Variants in ZNF776 observed in about 807,000 individuals in gnomAD.
ZNF776 encodes zinc finger protein 776.
A neutral mutation model predicts 7.0 loss-of-function variants in ZNF776; 4 were observed. The ratio of observed to expected loss-of-function variants is 0.57; its 90% confidence interval spans 0.28 to 1.31. ZNF776 has a LOEUF of 1.31. Ranked by LOEUF, ZNF776 falls within the 50% of genes most tolerant of loss-of-function variation. ZNF776 has a pLI of 0.10. For synonymous variants in ZNF776, 212 were observed against 213.7 expected, an observed-to-expected ratio of 0.99 and a Z score of 0.07; for missense variants, 555 against 625.9, an observed-to-expected ratio of 0.89 and a Z score of 1.21.
At chr19:57,752,845 A>G (rs757466225) in intron 2 of ZNF776, among the ~76,000 whole-genome samples, 1 of 152,226 alleles carries the variant, frequency 6.6e-6, no homozygotes, top group Non-Finnish European at 1.5e-5. Flanking sequence ...TTGCTAAGCC[A>G]TACCTGACCA....
rs762934577 is a variant in ZNF776, at chr19:57,754,233, G to A, written c.1103G>A (p.Arg368Gln). 3.1e-6 allele frequency: 5 copies of A among 1,614,002 alleles called. No homozygotes were observed. Among genetic ancestry groups the A allele is most frequent in the Admixed American group, 1.7e-5 (1 of 59,972 alleles). ...NHKCNLIQHQ[R>Q]VHTGERPFEC... Reference sequence around the variant, plus strand: ...AAGTGCAACCTCATTCAGCATCAGCGAGTTCACACTGGAGAAAGACCTTTT... The same window carrying A: ...AAGTGCAACCTCATTCAGCATCAGCAAGTTCACACTGGAGAAAGACCTTTT... Residue 368 changes from arginine (R) to glutamine (Q), a missense_variant, in exon 3 of 3, where the codon CGA (arginine) becomes CAA (glutamine). Coordinates refer to ENST00000317178, the MANE Select transcript of ZNF776 (RefSeq NM_173632.4).
Position 57,754,740 on chromosome 19 carries a change from A to G in ZNF776, c.*53A>G. 1 of 1,555,796 alleles carries G rather than the reference A, an allele frequency of 6.4e-7. No homozygotes were observed. ...AGCACCCTCATTCAACATTCGTGAG[A>G]TCACACTGGAAAGCACTTATGAGTA... is the stretch of plus-strand genomic sequence containing the variant. On this transcript the variant is annotated 3_prime_UTR_variant, in exon 3 of 3. Coordinates refer to ENST00000317178, the MANE Select transcript of ZNF776 (RefSeq NM_173632.4).
intron 1 of ZNF776, among the ~76,000 whole-genome samples, chr19:57,750,115 T>A (rs1019329146): frequency 6.6e-6 from 1 of 151,964 alleles, no homozygotes; most frequent in African/African-American, 2.4e-5. Flanking sequence ...CATGTGTCTG[T>A]GCAGTCTAAA....
Position 57,755,135 on chromosome 19 carries a change from G to A in ZNF776, c.*448G>A, listed in dbSNP as rs35919456. The A allele has an allele frequency of 0.16, 29,596 of 184,904 alleles. 2,604 individuals carry two copies. Among genetic ancestry groups the A allele is most frequent in the East Asian group, 0.21 (1,477 of 7,138 alleles). 11.5% of individuals were successfully genotyped at this position (184,904 alleles called of 1,614,324 possible). On this transcript the variant is annotated 3_prime_UTR_variant, in exon 3 of 3. Transcript: ENST00000317178. ...ATAATAAATGTGAGAAATCATTTCC[G>A]TACAGCTCTGCGCTCCATGTTCGTA...
At position 57,753,372 on chromosome 19, in the gene ZNF776, G is replaced by A; in HGVS notation, c.242G>A (p.Trp81Ter). The A allele has an allele frequency of 6.2e-7, 1 of 1,614,204 alleles. No homozygotes were observed. The highest frequency in any genetic ancestry group is 8.5e-7 in the Non-Finnish European group (1 of 1,180,048). The change falls in exon 3 of 3, where the codon TGG becomes TAG. Residue 81 changes from tryptophan to a stop codon, truncating the protein, a stop_gained. Transcript: ENST00000317178. LOFTEE classifies it low-confidence loss of function (END_TRUNC). ...IQQESPLRTH[W>*]TGVCTKKVHL... ...CAGGAGTCCCCACTCAGGACACATT[G>A]GACAGGTGTATGTACCAAGAAGGTC...
intron 1 of ZNF776, chr19:57,749,072 G>T (rs939576802): frequency 6.6e-6 from 1 of 152,034 alleles, no homozygotes; most frequent in South Asian, 2.1e-4. Flanking sequence ...AGGTTCAAGT[G>T]ATTCTCCTGC....
chr19:57,754,259 G>C lies in ZNF776; in HGVS notation c.1129G>C (p.Glu377Gln), dbSNP rs200118976. ...QRVHTGERPF[E>Q]CTACGKLFRS... ...AGTTCACACTGGAGAAAGACCTTTT[G>C]AGTGTACGGCATGTGGGAAGTTATT... Residue 377 changes from glutamate to glutamine, a missense_variant, in exon 3 of 3, where the codon GAG becomes CAG. By Grantham distance (29) the Glu-to-Gln change is conservative. Transcript: ENST00000317178. The C allele has an allele frequency of 2.5e-5, 40 of 1,613,804 alleles. No individual in the cohort carries two copies. In the Admixed American group the frequency reaches 5.7e-4, roughly 23 times the overall value.
chr19:57,752,627 A>T (rs974537104), intron 2 of ZNF776, among the ~76,000 whole-genome samples: 1 of 152,154 alleles, frequency 6.6e-6, no homozygotes, highest in Non-Finnish European at 1.5e-5. Context: ...TTACCTGGCA[A>T]CATGACGAGC....
rs1388949296 is a variant in ZNF776 at position 57,753,695 on chromosome 19, G to A, written c.565G>A (p.Gly189Arg). 2 of 1,614,164 alleles carry A rather than the reference G, an allele frequency of 1.2e-6. No individual in the cohort carries two copies. Among genetic ancestry groups the A allele is most frequent in the South Asian group, 1.1e-5 (1 of 91,084 alleles). The change falls in exon 3 of 3, where the codon GGG (glycine) becomes AGG (arginine). Residue 189 changes from glycine (G) to arginine (R), a missense_variant. By Grantham distance (125) the Gly-to-Arg change is moderately radical (BLOSUM62 -2). Transcript: ENST00000317178. ...LLQQEDIHTS[G>R]KSNFETKHGI... ...CCAACAAGAGGACATTCACACTTCA[G>A]GGAAGTCAAACTTTGAAACTAAGCA...
In ZNF776 at chr19:57,754,658, C is replaced by T; in HGVS notation, c.1528C>T (p.His510Tyr). 1 of 1,612,340 alleles carries T rather than the reference C, an allele frequency of 6.2e-7. No homozygotes were observed. The highest frequency in any genetic ancestry group is 8.5e-7 in the Non-Finnish European group (1 of 1,178,458). ...AAACCTCATTAAACATCAACGAGTT[C>T]ACACGGGAGAAAGACATCATGAATG... is the stretch of plus-strand genomic sequence containing the variant. ...KGNLIKHQRVHTGERHHEC is the reference protein window; with the variant it reads ...KGNLIKHQRVYTGERHHEC The change falls in exon 3 of 3, where the codon CAC becomes TAC. Residue 510 changes from histidine (H) to tyrosine (Y), a missense_variant. Coordinates refer to ENST00000317178, the MANE Select transcript of ZNF776 (RefSeq NM_173632.4).
At chr19:57,750,123 A>G (rs1297414966) in intron 1 of ZNF776, among the ~76,000 whole-genome samples, 6 of 152,020 alleles carry the variant, frequency 3.9e-5, no homozygotes, top group Admixed American at 3.9e-4. Flanking sequence ...TGTGCAGTCT[A>G]AAGAATGATG....
chr19:57,754,904 G>A lies in ZNF776; in HGVS notation c.*217G>A. 3 of 436,998 alleles carry A rather than the reference G, an allele frequency of 6.9e-6. No homozygotes were observed. The highest frequency in any genetic ancestry group is 8.3e-6 in the Non-Finnish European group (2 of 240,810). The allele number at this position is 436,998 out of a possible 1,614,324, so 27.1% of individuals were successfully genotyped here. On this transcript the variant is annotated 3_prime_UTR_variant, in exon 3 of 3. Transcript: ENST00000317178. ...AGTTTTGCCTCACCAAATACCAGAA[G>A]GGTCACACTGGAGAAAGACCCTATA...
At chr19:57,751,046 C>G in intron 2 of ZNF776, 135 bp downstream of exon 2, 1 of 1,072,584 alleles carries the variant, frequency 9.3e-7, no homozygotes, top group Non-Finnish European at 1.3e-6. Context: ...TGGGTAGGTT[C>G]TATGTGGTAT....
rs1986705431 is a variant in ZNF776, at chr19:57,754,355, T to A, written c.1225T>A (p.Cys409Ser). 3 of 1,614,120 alleles carry A rather than the reference T, an allele frequency of 1.9e-6. No individual in the cohort carries two copies. In the East Asian group the frequency reaches 6.7e-5, roughly 36 times the overall value. ...AGAAAGACCCTATGAGTGTAAAGAA[T>A]GTAGGAAATCATTTAGGTACAAGTC... ...TGERPYECKECRKSFRYKSHL... is the reference protein window; with the variant it reads ...TGERPYECKESRKSFRYKSHL... Residue 409 changes from cysteine to serine, a missense_variant, in exon 3 of 3, where the codon TGT becomes AGT. Coordinates refer to ENST00000317178, the MANE Select transcript of ZNF776 (RefSeq NM_173632.4).
At chr19:57,751,868 G>GGTTTTT (rs1986613708) in intron 2 of ZNF776, among the ~76,000 whole-genome samples, 1 of 67,506 alleles carries the variant, frequency 1.5e-5, no homozygotes, top group African/African-American at 5.5e-5. Flanking sequence ...TTTTGGTTTT[G>GGTTTTT]TTTTTTTTTT....
At position 57,753,619 on chromosome 19, in the gene ZNF776, A is replaced by G; in HGVS notation, c.489A>G (p.Pro163=). ...GTAAATTCCATATGTCACATGAGCC[A>G]TTTATCTTTCATGAGGTTGGGAAAG... ...KNCKFHMSHE[P]FIFHEVGKDF... is the part of the protein sequence containing the mutation. Residue 163 remains proline, a synonymous_variant, in exon 3 of 3, where the codon CCA becomes CCG. Transcript: ENST00000317178. 6.2e-7 allele frequency: 1 copy of G among 1,614,182 alleles called. No homozygotes were observed. The highest frequency in any genetic ancestry group is 8.5e-7 in the Non-Finnish European group (1 of 1,180,040).
chr19:57,752,390 CTCTT>C (rs1448838938), intron 2 of ZNF776, among the ~76,000 whole-genome samples: 1 of 152,134 alleles, frequency 6.6e-6, no homozygotes, highest in Non-Finnish European at 1.5e-5. Context: ...CTATTCTTCT[CTCTT>C]GTCTTTCTCT....
At chr19:57,752,118 C>T (rs149624416) in intron 2 of ZNF776, among the ~76,000 whole-genome samples, 2,009 of 152,094 alleles carry the variant, frequency 0.013, 28 homozygotes, top group Middle Eastern at 0.031. Flanking sequence ...GTGATCCACC[C>T]GCCTCGGGCT....
At position 57,753,873 on chromosome 19, in the gene ZNF776, G is replaced by A. The variant is rs770317971; in HGVS notation, c.743G>A (p.Ser248Asn). ...CSDSGKFTSK[S>N]NSFNNHQGVR... ...GATTCTGGGAAATTCACTAGCAAAAGTAATAGTTTTAATAATCATCAGGGA... is the reference window on the plus strand; with the variant it reads ...GATTCTGGGAAATTCACTAGCAAAAATAATAGTTTTAATAATCATCAGGGA... Residue 248 changes from serine to asparagine, a missense_variant, in exon 3 of 3, where the codon AGT becomes AAT. Coordinates refer to ENST00000317178, the MANE Select transcript of ZNF776 (RefSeq NM_173632.4). The A allele has an allele frequency of 3.7e-6, 6 of 1,614,208 alleles. No homozygotes were observed. The highest frequency in any genetic ancestry group is 4.2e-6 in the Non-Finnish European group (5 of 1,180,040).
Sources: gnomAD v4.1 joint callset for allele counts (sites outside exome capture counted in the v4.1 genomes callset) on GRCh38, gnomAD v4.1.1 for gene constraint, MANE v1.5 for transcripts, NCBI Gene and HGNC (gene_info 2026-07-23, HGNC 2026-07-21) for gene names.